RGS10: variants seen among roughly 807,000 people sequenced by gnomAD.
RGS10 encodes the protein regulator of G protein signaling 10.
In RGS10, 11 loss-of-function variants were observed where a neutral mutation model predicts 23.5. The observed-to-expected ratio is 0.47, with a 90% confidence interval of 0.29 to 0.77. The LOEUF (loss-of-function observed/expected upper bound fraction) is 0.77, where lower values mean the gene tolerates loss of function less well. RGS10 is among the 30% of genes least tolerant of loss of function. The pLI, the probability that RGS10 is intolerant of heterozygous loss-of-function variation, is 0.08. For synonymous variants in RGS10, 77 were observed against 83.2 expected (o/e 0.92, Z 0.41); for missense variants, 180 against 226.3 (o/e 0.80, Z 1.31).
chr10:119,540,930 G>C (rs1680792668), intron 1 of RGS10, among the ~76,000 whole-genome samples: 1 of 152,198 alleles, frequency 6.6e-6, no homozygotes, highest in African/African-American at 2.4e-5. Flanking sequence ...GGAGAAAGGT[G>C]CTGGAACATC....
chr10:119,527,383 T>G lies in RGS10; in HGVS notation c.91A>C (p.Ser31Arg), dbSNP rs868223177. Residue 31 changes from serine (S) to arginine (R), a missense_variant, in exon 2 of 5, where the codon AGC becomes CGC. Physicochemically the swap from Ser to Arg is moderately radical, Grantham distance 110 (BLOSUM62 -1). Transcript: ENST00000369103. This position sits in a 1 kb window ranked among gnomAD's most constrained non-coding sequence, Gnocchi z 4.2. ...GCCCATTTGGCTGTGCTCTTGAGGCTCTGGTGGCTGCTGCTGGAACTGCCA... is the reference window on the plus strand; with the variant it reads ...GCCCATTTGGCTGTGCTCTTGAGGCGCTGGTGGCTGCTGCTGGAACTGCCA... ...SDGSSSSSHQSLKSTAKWAAS... is the reference protein window; with the variant it reads ...SDGSSSSSHQRLKSTAKWAAS... 1 of 1,614,234 alleles carries G rather than the reference T, an allele frequency of 6.2e-7. No homozygotes were observed. The highest frequency in any genetic ancestry group is 1.6e-4 in the Middle Eastern group (1 of 6,062).
intron 4 of RGS10, among the ~76,000 whole-genome samples, chr10:119,508,246 C>T (rs775971450): frequency 2.0e-5 from 3 of 152,158 alleles, no homozygotes; most frequent in Admixed American, 2.0e-4. Flanking sequence ...CTAATCCACC[C>T]GCCTCGGCCT....
chr10:119,518,756 G>A (rs1844175236), intron 3 of RGS10, among the ~76,000 whole-genome samples: 1 of 151,596 alleles, frequency 6.6e-6, no homozygotes, highest in Admixed American at 6.6e-5. Context: ...CCAGGCTGGA[G>A]TGCAGTGGCG....
chr10:119,506,879 TTAG>T (rs1422131068), intron 4 of RGS10, among the ~76,000 whole-genome samples: 1 of 152,140 alleles, frequency 6.6e-6, no homozygotes, highest in Non-Finnish European at 1.5e-5. Flanking sequence ...TTTTGTATTT[TTAG>T]TAGAGACGGG....
intron 1 of RGS10, among the ~76,000 whole-genome samples, chr10:119,541,209 C>T (rs933073151): frequency 3.9e-5 from 6 of 152,176 alleles, no homozygotes; most frequent in African/African-American, 1.4e-4. Context: ...AGTCCAGGCT[C>T]TGAGCAGCGC....
At chr10:119,505,957 C>G (rs1043498877) in intron 4 of RGS10, among the ~76,000 whole-genome samples, 2 of 152,194 alleles carry the variant, frequency 1.3e-5, no homozygotes, top group East Asian at 3.8e-4. Context: ...GATATCATAT[C>G]TGCTTTAAGA....
Position 119,538,728 on chromosome 10 carries a change from T to C in RGS10, c.49+3862A>G, listed in dbSNP as rs1300624297. On this transcript the variant is annotated intron_variant, in intron 1 of 4. Coordinates refer to ENST00000369103, the MANE Select transcript of RGS10 (RefSeq NM_001005339.2). The surrounding 1 kb of genome is among the most constrained non-coding windows in gnomAD (Gnocchi z 4.5). ...CAAGGGACTGTCTCACTCCAGCGGATGCCGCCTGACAGCTCTTATCAAGGG... is the reference window on the plus strand; with the variant it reads ...CAAGGGACTGTCTCACTCCAGCGGACGCCGCCTGACAGCTCTTATCAAGGG... 6.6e-6 allele frequency among the ~76,000 whole-genome samples: 1 copy of C among 152,120 alleles called. No homozygotes were observed. The highest frequency in any genetic ancestry group is 2.4e-5 in the African/African-American group (1 of 41,412).
chr10:119,541,243 G>C (rs1342184517), intron 1 of RGS10, among the ~76,000 whole-genome samples: 1 of 152,166 alleles, frequency 6.6e-6, no homozygotes, highest in Non-Finnish European at 1.5e-5. Context: ...GCCAACCATA[G>C]AGACTGGTTA....
At chr10:119,508,614 C>T (rs1266279112) in intron 4 of RGS10, among the ~76,000 whole-genome samples, 1 of 152,196 alleles carries the variant, frequency 6.6e-6, no homozygotes, top group East Asian at 1.9e-4. Flanking sequence ...GAGCAGACTT[C>T]AATGTGTTCC....
intron 4 of RGS10, among the ~76,000 whole-genome samples, chr10:119,513,225 A>G (rs978768505): frequency 6.6e-6 from 1 of 152,146 alleles, no homozygotes; most frequent in African/African-American, 2.4e-5. Flanking sequence ...TGGGAGTCCA[A>G]GGCTGGAGAA....
chr10:119,510,314 A>C (rs1384819740), intron 4 of RGS10, among the ~76,000 whole-genome samples: 1 of 151,770 alleles, frequency 6.6e-6, no homozygotes, highest in Non-Finnish European at 1.5e-5. Context: ...CTACATTCCT[A>C]CAATGCTGAC....
At chr10:119,514,146 A>G (rs1844112782) in intron 4 of RGS10, among the ~76,000 whole-genome samples, 1 of 152,292 alleles carries the variant, frequency 6.6e-6, no homozygotes. Context: ...AGTTGAGGCC[A>G]GGAGTTCGGG....
chr10:119,505,555 T>C (rs184237059), intron 4 of RGS10, among the ~76,000 whole-genome samples: 63 of 152,208 alleles, frequency 4.1e-4, no homozygotes, highest in Non-Finnish European at 2.5e-4. Context: ...AAGGTCTTTA[T>C]ATCACCAAGC....
chr10:119,530,253 A>C (rs1478955145), intron 1 of RGS10, among the ~76,000 whole-genome samples: 1 of 152,216 alleles, frequency 6.6e-6, no homozygotes, highest in Non-Finnish European at 1.5e-5. Flanking sequence ...GGACTTACTT[A>C]ATAGTAACAG....
intron 1 of RGS10, among the ~76,000 whole-genome samples, chr10:119,531,379 C>G (rs558862872): frequency 6.6e-6 from 1 of 152,286 alleles, no homozygotes; most frequent in South Asian, 2.1e-4. Flanking sequence ...ACATTCTTTT[C>G]CATAATAAAC....
At chr10:119,512,312 A>G (rs1844087728) in intron 4 of RGS10, among the ~76,000 whole-genome samples, 1 of 152,170 alleles carries the variant, frequency 6.6e-6, no homozygotes, top group Non-Finnish European at 1.5e-5. Context: ...TCCTTCACTT[A>G]GGAAAACAGA....
chr10:119,527,877 T>G lies in RGS10; in HGVS notation c.50-453A>C, dbSNP rs1346643941. Among the ~76,000 whole-genome samples, 2 of 152,208 alleles carry G rather than the reference T, an allele frequency of 1.3e-5. No homozygotes were observed. The highest frequency in any genetic ancestry group is 6.5e-5 in the Admixed American group (1 of 15,272). Reference sequence around the variant, plus strand: ...TCCCACTAGTCTGAAGGCTCCTATGTGTCCTCATCTTGTATCTCCAGCACC... The same window carrying G: ...TCCCACTAGTCTGAAGGCTCCTATGGGTCCTCATCTTGTATCTCCAGCACC... On this transcript the variant is annotated intron_variant, in intron 1 of 4. Transcript: ENST00000369103. The surrounding 1 kb of genome is among the most constrained non-coding windows in gnomAD (Gnocchi z 4.2).
Position 119,517,894 on chromosome 10 carries a change from C to T in RGS10, c.256-2242G>A, listed in dbSNP as rs1844164346. 6.6e-6 allele frequency among the ~76,000 whole-genome samples: 1 copy of T among 152,088 alleles called. No homozygotes were observed. Among genetic ancestry groups the T allele is most frequent in the African/African-American group, 2.4e-5 (1 of 41,416 alleles). On this transcript the variant is annotated intron_variant, in intron 3 of 4. Transcript: ENST00000369103. The surrounding 1 kb of genome is among the most constrained non-coding windows in gnomAD (Gnocchi z 5.0). Reference sequence around the variant, plus strand: ...CCACCGGCTGTCCCTCCTGAGTCTGCGTGAGAACAATGTGGGGTTCAAGGC... The same window carrying T: ...CCACCGGCTGTCCCTCCTGAGTCTGTGTGAGAACAATGTGGGGTTCAAGGC...
intron 1 of RGS10, among the ~76,000 whole-genome samples, chr10:119,535,819 C>A (rs1844382215): frequency 6.6e-6 from 1 of 152,184 alleles, no homozygotes; most frequent in African/African-American, 2.4e-5. Flanking sequence ...TGGTTTGGTA[C>A]AACTCACATG....
Sources: gnomAD v4.1 joint callset for allele counts (sites outside exome capture counted in the v4.1 genomes callset) on GRCh38, gnomAD v4.1.1 for gene constraint, Gnocchi (gnomAD v3.1) non-coding constraint, MANE v1.5 for transcripts, NCBI Gene and HGNC (gene_info 2026-07-23, HGNC 2026-07-21) for gene names.